SLMAP: variants seen among roughly 807,000 people sequenced by gnomAD.
SLMAP encodes the protein sarcolemmal membrane-associated protein.
A neutral mutation model predicts 128.8 loss-of-function variants in SLMAP; 44 were observed. The observed-to-expected ratio is 0.34, with a 90% CI of 0.27 to 0.44. The LOEUF is 0.44. Ranked by LOEUF, SLMAP falls within the 20% of genes least tolerant of loss-of-function variation. SLMAP has a pLI of 1.00. For missense variants in SLMAP, 787 were observed against 985.3 expected (o/e 0.80, Z 2.69); for synonymous variants, 327 against 348.8 (o/e 0.94, Z 0.70).
Position 57,913,202 on chromosome 3 carries a change from G to A in SLMAP, c.2065G>A (p.Glu689Lys), listed in dbSNP as rs147989677. The change falls in exon 21 of 25, where the codon GAA becomes AAA. Residue 689 changes from glutamate (E) to lysine (K), a missense_variant. Glu to Lys is a moderately conservative substitution (Grantham distance 56). Around this residue, in one of 2 missense-constraint regions of SLMAP, gnomAD observed 715 missense variants for 843.6 expected, o/e 0.85. Transcript: ENST00000671191. ...AAAGGAATGGAATGCATTGGAAACC[G>A]AATGCCATTCTCTAAAAAGGGAAAA... is the stretch of plus-strand genomic sequence containing the variant. Reference protein sequence around the residue: ...LRKEWNALETECHSLKRENVL... With the variant: ...LRKEWNALETKCHSLKRENVL... 2.6e-5 allele frequency: 42 copies of A among 1,599,022 alleles called. No individual in the cohort carries two copies. The highest frequency in any genetic ancestry group is 1.7e-4 in the Middle Eastern group (1 of 6,024).
rs2096606763 is a variant in SLMAP at position 57,907,896 on chromosome 3, G to A, written c.1514G>A (p.Gly505Asp). The A allele has an allele frequency of 3.1e-6, 5 of 1,613,710 alleles. No homozygotes were observed. The highest frequency in any genetic ancestry group is 4.2e-6 in the Non-Finnish European group (5 of 1,179,740). Residue 505 changes from glycine to aspartate, a missense_variant, in exon 18 of 25, where the codon GGT becomes GAT. This residue lies in a region of SLMAP where 715 missense variants were observed against 843.6 expected (regional missense o/e 0.85). Coordinates refer to ENST00000671191, the MANE Select transcript of SLMAP (RefSeq NM_001377540.1). The part of the protein sequence containing the change: ...KVSLLKDDLQ[G>D]AQSEIEAKQE... ...ATGTTTTTGTCAGATGACTTGCAGG[G>A]TGCACAGTCAGAAATTGAGGCAAAG...
chr3:57,885,179 TCTC>T (rs1321138982), intron 14 of SLMAP, among the ~76,000 whole-genome samples: 1 of 150,840 alleles, frequency 6.6e-6, no homozygotes, highest in Non-Finnish European at 1.5e-5. Flanking sequence ...TTCAAGCAAT[TCTC>T]CTGCCTCAGC....
intron 10 of SLMAP, among the ~76,000 whole-genome samples, 159 bp downstream of exon 10, chr3:57,862,245 G>T (rs551825398): frequency 6.6e-6 from 1 of 152,074 alleles, no homozygotes; most frequent in East Asian, 1.9e-4. Context: ...TTGAACCCAG[G>T]AGACGGAGGT....
At position 57,927,510 on chromosome 3, in the gene SLMAP, A is replaced by G; in HGVS notation, c.*221A>G. 1 of 457,006 alleles carries G rather than the reference A, an allele frequency of 2.2e-6. No homozygotes were observed. Among genetic ancestry groups the G allele is most frequent in the East Asian group, 3.3e-5 (1 of 30,764 alleles). The allele number at this position is 457,006 out of a possible 1,614,324, so 28.3% of individuals were successfully genotyped here. A position where few individuals can be genotyped will look rare whatever the true frequency, so the allele number is the denominator to read the frequency against. On this transcript the variant is annotated 3_prime_UTR_variant, in exon 25 of 25. Coordinates refer to ENST00000671191, the MANE Select transcript of SLMAP (RefSeq NM_001377540.1). ...TAAAACAGCAGAAGTACAAGAATACAGCTGTAGGGTCATTGCTTTAAATTA... is the reference window on the plus strand; with the variant it reads ...TAAAACAGCAGAAGTACAAGAATACGGCTGTAGGGTCATTGCTTTAAATTA...
chr3:57,922,989 A>C lies in SLMAP; in HGVS notation c.2411A>C (p.Asn804Thr). The C allele has an allele frequency of 6.2e-7, 1 of 1,614,004 alleles. No homozygotes were observed. Among genetic ancestry groups the C allele is most frequent in the Non-Finnish European group, 8.5e-7 (1 of 1,179,958 alleles). The change falls in exon 23 of 25, where the codon AAC becomes ACC. Residue 804 changes from asparagine (N) to threonine (T), a missense_variant. Around this residue, in one of 2 missense-constraint regions of SLMAP, gnomAD observed 715 missense variants for 843.6 expected, o/e 0.85. Coordinates refer to ENST00000671191, the MANE Select transcript of SLMAP (RefSeq NM_001377540.1). ...SITDELKQCK[N>T]NLKLLREKGN... The stretch of plus-strand genomic sequence containing the variant: ...ACAGATGAGCTCAAACAGTGTAAAA[A>C]CAACCTGAAGCTGCTCCGAGAGAAA...
chr3:57,834,488 G>T (rs1215956391), intron 3 of SLMAP, among the ~76,000 whole-genome samples: 2 of 151,976 alleles, frequency 1.3e-5, no homozygotes, highest in South Asian at 4.1e-4. Flanking sequence ...AAAGAGAAAA[G>T]AAAAAATTAG....
At chr3:57,832,062 T>G (rs1259448908) in intron 3 of SLMAP, among the ~76,000 whole-genome samples, 1 of 152,250 alleles carries the variant, frequency 6.6e-6, no homozygotes, top group Non-Finnish European at 1.5e-5. Context: ...TGCCTTCTTG[T>G]GTGGCTCTCT....
At chr3:57,882,761 C>G (rs185249496) in intron 14 of SLMAP, among the ~76,000 whole-genome samples, 1 of 152,200 alleles carries the variant, frequency 6.6e-6, no homozygotes, top group Non-Finnish European at 1.5e-5. Context: ...ATAGGAACTT[C>G]AGATTTTTTT....
intron 17 of SLMAP, among the ~76,000 whole-genome samples, chr3:57,904,840 A>AG (rs2096487085): frequency 1.3e-5 from 2 of 152,200 alleles, no homozygotes; most frequent in African/African-American, 4.8e-5. Context: ...TACAATTCAT[A>AG]GGGTAGTCCC....
intron 6 of SLMAP, among the ~76,000 whole-genome samples, chr3:57,854,983 A>G (rs1251289655): frequency 6.6e-6 from 1 of 152,234 alleles, no homozygotes; most frequent in African/African-American, 2.4e-5. Context: ...TAGGCTACAA[A>G]CCCATACAGC....
At chr3:57,868,905 ATGTG>A (rs1385857072) in intron 13 of SLMAP, among the ~76,000 whole-genome samples, 1 of 137,828 alleles carries the variant, frequency 7.3e-6, no homozygotes, top group Non-Finnish European at 1.5e-5. Flanking sequence ...TATATTATAT[ATGTG>A]TGTATTATAT....
chr3:57,848,990 T>C (rs1390877123), intron 5 of SLMAP, among the ~76,000 whole-genome samples: 1 of 151,994 alleles, frequency 6.6e-6, no homozygotes, highest in Non-Finnish European at 1.5e-5. Flanking sequence ...ATTACAGGCG[T>C]GAGCCACCGT....
intron 22 of SLMAP, among the ~76,000 whole-genome samples, chr3:57,921,137 A>G (rs889079501): frequency 1.3e-5 from 2 of 152,200 alleles, no homozygotes; most frequent in Non-Finnish European, 2.9e-5. Context: ...TGCTGTATCT[A>G]GAAGTGGAAC....
chr3:57,897,213 T>C, intron 17 of SLMAP: 5 of 749,968 alleles, frequency 6.7e-6, no homozygotes, highest in Non-Finnish European at 9.3e-6. Context: ...GTGTCTCTAA[T>C]AGGAATTTAT....
Position 57,831,496 on chromosome 3 carries a change from G to T in SLMAP, c.312G>T (p.Gln104His). 1 of 1,585,392 alleles carries T rather than the reference G, an allele frequency of 6.3e-7. No individual in the cohort carries two copies. Among genetic ancestry groups the T allele is most frequent in the Non-Finnish European group, 8.6e-7 (1 of 1,165,162 alleles). ...PCEILSGDII[Q>H]FGVDVTENTR... is the part of the protein sequence containing the mutation. The stretch of plus-strand genomic sequence containing the variant: ...AAATTCTTTCCGGTGACATTATCCA[G>T]TTTGGAGTAGACGTGACAGAGAATA... Residue 104 changes from glutamine (Q) to histidine (H), a missense_variant, in exon 3 of 25, where the codon CAG becomes CAT. Physicochemically the swap from Gln to His is conservative, Grantham distance 24. This residue lies in a region of SLMAP where 72 missense variants were observed against 141.8 expected (regional missense o/e 0.51). Transcript: ENST00000671191.
chr3:57,898,378 A>C (rs1394514982), intron 17 of SLMAP: 1 of 152,194 alleles, frequency 6.6e-6, no homozygotes, highest in Non-Finnish European at 1.5e-5. Flanking sequence ...ATGAGTAATG[A>C]ACACACCCAT....
At chr3:57,918,078 ATTT>A (rs144563830) in intron 22 of SLMAP, 118 of 152,146 alleles carry the variant, frequency 7.8e-4, no homozygotes, top group African/African-American at 2.8e-3. Context: ...ATACTGTAAC[ATTT>A]TTTATTTTCT....
At chr3:57,857,920 A>G (rs2094870727) in intron 7 of SLMAP, 92 bp downstream of exon 7, 1 of 1,001,462 alleles carries the variant, frequency 1.0e-6, no homozygotes, top group South Asian at 1.4e-5. Flanking sequence ...AACAAAGACA[A>G]AGTTATTTCC....
chr3:57,857,787 C>A lies in SLMAP; in HGVS notation c.574C>A (p.Leu192Ile). Residue 192 changes from leucine (L) to isoleucine (I), a missense_variant, in exon 7 of 25, where the codon CTA becomes ATA. Transcript: ENST00000671191. Reference sequence around the variant, plus strand: ...ACAGAAGTTAGCCACGCTTCAGCGGCTACTAGCCATCACCCAAGAGGCTTC... The same window carrying A: ...ACAGAAGTTAGCCACGCTTCAGCGGATACTAGCCATCACCCAAGAGGCTTC... ...LEQKLATLQR[L>I]LAITQEASDT... is the part of the protein sequence containing the mutation. 1 of 1,613,858 alleles carries A rather than the reference C, an allele frequency of 6.2e-7. No homozygotes were observed. The highest frequency in any genetic ancestry group is 8.5e-7 in the Non-Finnish European group (1 of 1,179,734).
Sources: allele counts gnomAD v4.1 joint callset (sites outside exome capture counted in the v4.1 genomes callset), GRCh38; gene constraint gnomAD v4.1.1; regional missense constraint gnomAD v4.1.1; transcripts MANE v1.5; gene names NCBI Gene and HGNC (gene_info 2026-07-23, HGNC 2026-07-21).